DMRTB1: variants seen among roughly 807,000 people sequenced by gnomAD.
The protein encoded by DMRTB1 is doublesex- and mab-3-related transcription factor B1.
DMRTB1 carries 9 observed loss-of-function variants against 25.2 expected under a neutral mutation model. The ratio of observed to expected loss-of-function variants is 0.36; its 90% CI spans 0.22 to 0.62. The LOEUF (loss-of-function observed/expected upper bound fraction) is 0.62, where lower values mean the gene tolerates loss of function less well. DMRTB1 is among the 20% of genes least tolerant of loss of function. DMRTB1 has a pLI of 0.71. For synonymous variants in DMRTB1, 269 were observed against 238.1 expected, an observed-to-expected ratio of 1.13 and a Z score of -1.20; for missense variants, 551 against 499.3, an observed-to-expected ratio of 1.10 and a Z score of -0.99.
At chr1:53,466,455 C>T (rs569751218) in intron 3 of DMRTB1, 140 bp from the exon 4 acceptor site, 5 of 789,324 alleles carry the variant, frequency 6.3e-6, no homozygotes, top group Admixed American at 4.3e-5. Context: ...TACACCACTG[C>T]ACTCCAGCCT....
chr1:53,463,131 A>G (rs1050850601), intron 2 of DMRTB1, among the ~76,000 whole-genome samples: 2 of 152,046 alleles, frequency 1.3e-5, no homozygotes, highest in Admixed American at 6.5e-5. Context: ...AGCACTAATA[A>G]TCCCTCTTCC....
chr1:53,459,710 C>CCCCCGG lies in DMRTB1; in HGVS notation c.262_263insGCCCCG (p.Pro87_Val88insGlyPro), dbSNP rs1553210711. 4 of 1,435,738 alleles carry CCCCCGG rather than the reference C, an allele frequency of 2.8e-6. No homozygotes were observed. The South Asian group carries it at 5.8e-5, about 21-fold the overall frequency. The allele number at this position is 1,435,738 out of a possible 1,614,324, so 88.9% of individuals were successfully genotyped here. Reference sequence around the variant, plus strand: ...TCCGGGGCTGCGGCCGCCGCCCCCGCCCCCGTCCCCGTCCCGGCCGCGAGC... The same window carrying CCCCCGG: ...TCCGGGGCTGCGGCCGCCGCCCCCGCCCCCGGCCCCGTCCCCGTCCCGGCCGCGAGC... On this transcript the variant is annotated inframe_insertion, in exon 1 of 4. Transcript: ENST00000371445.
At position 53,466,690 on chromosome 1, in the gene DMRTB1, G is replaced by T; in HGVS notation, c.*28G>T. On this transcript the variant is annotated 3_prime_UTR_variant, in exon 4 of 4. Transcript: ENST00000371445. ...CCCAGGCCCGCCCTCCTGGCCAGCA[G>T]AGTGGGGCACTGGGGGGCAACAGCA... is the stretch of plus-strand genomic sequence containing the variant. 1 of 1,611,368 alleles carries T rather than the reference G, an allele frequency of 6.2e-7. No homozygotes were observed. The highest frequency in any genetic ancestry group is 8.5e-7 in the Non-Finnish European group (1 of 1,178,886).
Position 53,459,851 on chromosome 1 carries a change from C to T in DMRTB1, c.398C>T (p.Ala133Val). 3 of 1,489,742 alleles carry T rather than the reference C, an allele frequency of 2.0e-6. No individual in the cohort carries two copies. The highest frequency in any genetic ancestry group is 2.7e-6 in the Non-Finnish European group (3 of 1,128,754). 92.3% of individuals were successfully genotyped at this position (1,489,742 alleles called of 1,614,324 possible). The change falls in exon 1 of 4, where the codon GCC becomes GTC. Residue 133 changes from alanine to valine, a missense_variant. Ala to Val is a moderately conservative substitution (Grantham distance 64). Coordinates refer to ENST00000371445, the MANE Select transcript of DMRTB1 (RefSeq NM_033067.3). The part of the protein sequence containing the change: ...PPRGRNPGPR[A>V]LQPVLGGRSH... ...CGGGGCCGGAACCCCGGCCCGAGAGCCCTCCAGCCGGTTCTGGGCGGCCGC... is the reference window on the plus strand; with the variant it reads ...CGGGGCCGGAACCCCGGCCCGAGAGTCCTCCAGCCGGTTCTGGGCGGCCGC...
chr1:53,462,394 C>G (rs1247237055), intron 2 of DMRTB1, among the ~76,000 whole-genome samples: 2 of 152,176 alleles, frequency 1.3e-5, no homozygotes, highest in African/African-American at 4.8e-5. Context: ...AGTGTGGAGC[C>G]AGTCCAATGG....
At chr1:53,466,487 T>G (rs942692738) in intron 3 of DMRTB1, 108 bp from the exon 4 acceptor site, 18 of 1,155,688 alleles carry the variant, frequency 1.6e-5, no homozygotes, top group Non-Finnish European at 2.2e-5. Flanking sequence ...CGAGACTCTG[T>G]CTCAAAAAAA....
At position 53,459,901 on chromosome 1, in the gene DMRTB1, G is replaced by T; in HGVS notation, c.448G>T (p.Ala150Ser). 1 of 1,536,512 alleles carries T rather than the reference G, an allele frequency of 6.5e-7. No individual in the cohort carries two copies. Among genetic ancestry groups the T allele is most frequent in the Non-Finnish European group, 8.7e-7 (1 of 1,151,246 alleles). Residue 150 changes from alanine to serine, a missense_variant, in exon 1 of 4, where the codon GCC (alanine) becomes TCC (serine). Ala to Ser is a moderately conservative substitution (Grantham distance 99, BLOSUM62 1). Transcript: ENST00000371445. ...GRSHVEPSER[A>S]AVAMPSLAGP... Reference sequence around the variant, plus strand: ...CAGCCACGTGGAGCCGAGCGAGCGAGCCGCCGTGGCGATGCCCAGCCTTGC... The same window carrying T: ...CAGCCACGTGGAGCCGAGCGAGCGATCCGCCGTGGCGATGCCCAGCCTTGC...
In DMRTB1 at chr1:53,461,511, C is replaced by G. The variant is rs1324854041; in HGVS notation, c.616C>G (p.Pro206Ala). 1 of 1,610,580 alleles carries G rather than the reference C, an allele frequency of 6.2e-7. No individual in the cohort carries two copies. Among genetic ancestry groups the G allele is most frequent in the Non-Finnish European group, 8.5e-7 (1 of 1,178,292 alleles). ...LNINPDRALG[P>A]EYPGGSSMHP... Reference sequence around the variant, plus strand: ...CATCAACCCGGACCGTGCACTGGGCCCTGAGTACCCTGGTGGCTCCAGCAT... The same window carrying G: ...CATCAACCCGGACCGTGCACTGGGCGCTGAGTACCCTGGTGGCTCCAGCAT... Residue 206 changes from proline to alanine, a missense_variant, in exon 2 of 4, where the codon CCT (proline) becomes GCT (alanine). Physicochemically the swap from Pro to Ala is conservative, Grantham distance 27. Transcript: ENST00000371445.
chr1:53,466,100 A>G (rs958022886), intron 3 of DMRTB1, among the ~76,000 whole-genome samples: 2 of 152,226 alleles, frequency 1.3e-5, no homozygotes, highest in Non-Finnish European at 2.9e-5. Flanking sequence ...TCTGAATCAC[A>G]TGGCCAAGGC....
At chr1:53,465,935 T>TGGCCA (rs1406213221) in intron 3 of DMRTB1, among the ~76,000 whole-genome samples, 6 of 152,240 alleles carry the variant, frequency 3.9e-5, no homozygotes, top group Non-Finnish European at 7.3e-5. Flanking sequence ...TTGGTGAAGG[T>TGGCCA]GGCCTATCAC....
Position 53,460,027 on chromosome 1 carries a change from T to C in DMRTB1, c.574T>C (p.Phe192Leu). 1 of 1,575,654 alleles carries C rather than the reference T, an allele frequency of 6.3e-7. No homozygotes were observed. The highest frequency in any genetic ancestry group is 1.1e-5 in the South Asian group (1 of 88,314). The change falls in exon 1 of 4, where the codon TTT becomes CTT. Residue 192 changes from phenylalanine to leucine, a missense_variant. Physicochemically the swap from Phe to Leu is conservative, Grantham distance 22. Transcript: ENST00000371445. ...CGTGCCCGGCCCACTGTTCACCGAC[T>C]TTGGTAAGTCGTGGCCTTGGTCCCG... ...RTVPGPLFTD[F>L]VRPLNINPDR...
rs1466992801 is a variant in DMRTB1, at chr1:53,459,796, G to T, written c.343G>T (p.Ala115Ser). The T allele has an allele frequency of 1.4e-6, 2 of 1,412,696 alleles. No individual in the cohort carries two copies. The highest frequency in any genetic ancestry group is 3.0e-5 in the Admixed American group (1 of 33,400). The allele number at this position is 1,412,696 out of a possible 1,614,324, so 87.5% of individuals were successfully genotyped here. A position where few individuals can be genotyped will look rare whatever the true frequency, so the allele number is the denominator to read the frequency against. Residue 115 changes from alanine (A) to serine (S), a missense_variant, in exon 1 of 4, where the codon GCG (alanine) becomes TCG (serine). Transcript: ENST00000371445. ...CGCCGACCCGGGACCCGAGGGCCGC[G>T]CGGCCGCTTGCTTCTTCGAGCAGCC... ...GDADPGPEGRAAACFFEQPPR... is the reference protein window; with the variant it reads ...GDADPGPEGRSAACFFEQPPR...
In DMRTB1 at chr1:53,461,758, C is replaced by A. The variant is rs912333518; in HGVS notation, c.750+113C>A. 1.0e-5 allele frequency: 13 copies of A among 1,299,154 alleles called. No individual in the cohort carries two copies. The African/African-American group carries it at 1.5e-4, about 15-fold the overall frequency. The allele number at this position is 1,299,154 out of a possible 1,614,324, so 80.5% of individuals were successfully genotyped here. ...TGTCATAAACTGTGCCCACGCCATG[C>A]CAGCCCCCGAGTGCTGGTGGAGGAC... is the stretch of plus-strand genomic sequence containing the variant. On this transcript the variant is annotated intron_variant, in intron 2 of 3. Coordinates refer to ENST00000371445, the MANE Select transcript of DMRTB1 (RefSeq NM_033067.3).
Position 53,459,820 on chromosome 1 carries a change from C to A in DMRTB1, c.367C>A (p.Pro123Thr). The A allele has an allele frequency of 6.9e-7, 1 of 1,458,806 alleles. No individual in the cohort carries two copies. Among genetic ancestry groups the A allele is most frequent in the Admixed American group, 2.6e-5 (1 of 39,112 alleles). The allele number at this position is 1,458,806 out of a possible 1,614,324, so 90.4% of individuals were successfully genotyped here. Reference sequence around the variant, plus strand: ...CGCGGCCGCTTGCTTCTTCGAGCAGCCCCCGCGGGGCCGGAACCCCGGCCC... The same window carrying A: ...CGCGGCCGCTTGCTTCTTCGAGCAGACCCCGCGGGGCCGGAACCCCGGCCC... Reference protein sequence around the residue: ...GRAAACFFEQPPRGRNPGPRA... With the variant: ...GRAAACFFEQTPRGRNPGPRA... Residue 123 changes from proline to threonine, a missense_variant, in exon 1 of 4, where the codon CCC (proline) becomes ACC (threonine). Transcript: ENST00000371445.
rs569588713 is a variant in DMRTB1 at position 53,459,868 on chromosome 1, G to T, written c.415G>T (p.Gly139Cys). ...PGPRALQPVL[G>C]GRSHVEPSER... ...CCCGAGAGCCCTCCAGCCGGTTCTG[G>T]GCGGCCGCAGCCACGTGGAGCCGAG... is the stretch of plus-strand genomic sequence containing the variant. Residue 139 changes from glycine to cysteine, a missense_variant, in exon 1 of 4, where the codon GGC (glycine) becomes TGC (cysteine). Transcript: ENST00000371445. The T allele has an allele frequency of 2.2e-5, 33 of 1,507,216 alleles. No individual in the cohort carries two copies. The highest frequency in any genetic ancestry group is 2.8e-5 in the Non-Finnish European group (32 of 1,136,668). The allele number at this position is 1,507,216 out of a possible 1,614,324, so 93.4% of individuals were successfully genotyped here.
At chr1:53,463,866 C>CA (rs1644036549) in intron 2 of DMRTB1, among the ~76,000 whole-genome samples, 1 of 152,216 alleles carries the variant, frequency 6.6e-6, no homozygotes, top group Non-Finnish European at 1.5e-5. Flanking sequence ...TTTCTTACGA[C>CA]ATTTGTGTGT....
intron 2 of DMRTB1, among the ~76,000 whole-genome samples, chr1:53,462,198 G>A (rs879775547): frequency 1.2e-4 from 18 of 152,196 alleles, no homozygotes; most frequent in Non-Finnish European, 2.5e-4. Flanking sequence ...ATTAATAAAG[G>A]TCAGTCGTTA....
rs1268836379 is a variant in DMRTB1, at chr1:53,466,956, T to C, written c.*294T>C. 2.5e-6 allele frequency: 1 copy of C among 397,152 alleles called. No individual in the cohort carries two copies. Among genetic ancestry groups the C allele is most frequent in the Non-Finnish European group, 4.5e-6 (1 of 222,578 alleles). 24.6% of individuals were successfully genotyped at this position (397,152 alleles called of 1,614,324 possible). The stretch of plus-strand genomic sequence containing the variant: ...GAATTTAACTGTCCTTGGGTTACAC[T>C]ACCATTTATTGGAACAAGCCCCAGA... On this transcript the variant is annotated 3_prime_UTR_variant, in exon 4 of 4. Transcript: ENST00000371445.
chr1:53,464,610 C>T (rs758570286), intron 2 of DMRTB1, 27 bp from the exon 3 acceptor site: 36 of 1,612,214 alleles, frequency 2.2e-5, no homozygotes, highest in Non-Finnish European at 2.8e-5. Flanking sequence ...CTCTCCTCTC[C>T]GCCTCTCTGC....
Sources: allele counts gnomAD v4.1 joint callset (sites outside exome capture counted in the v4.1 genomes callset), GRCh38; gene constraint gnomAD v4.1.1; transcripts MANE v1.5; gene names NCBI Gene and HGNC (gene_info 2026-07-23, HGNC 2026-07-21).